The following SGCZ variants were observed in gnomAD, a reference collection of about 807,000 sequenced individuals.
The protein encoded by SGCZ is sarcoglycan zeta, also known as zeta-sarcoglycan.
A neutral mutation model predicts 41.3 loss-of-function variants in SGCZ; 40 were observed. The ratio of observed to expected loss-of-function variants is 0.97; its 90% confidence interval spans 0.75 to 1.26. The LOEUF is 1.26. Ranked by LOEUF, SGCZ falls within the 50% of genes most tolerant of loss-of-function variation. SGCZ has a pLI of 0.00. For missense variants in SGCZ, 552 were observed against 369.8 expected (o/e 1.49, Z -4.04); for synonymous variants, 206 against 137.5 (o/e 1.50, Z -3.49).
At chr8:14,260,898 G>A (rs1170202812) in intron 3 of SGCZ, among the ~76,000 whole-genome samples, 1 of 152,084 alleles carries the variant, frequency 6.6e-6, no homozygotes, top group Non-Finnish European at 1.5e-5. Context: ...ATTGAACAAT[G>A]AGATCACATG....
At position 15,069,655 on chromosome 8, in the gene SGCZ, G is replaced by A. The variant is rs180828272; in HGVS notation, c.39+167930C>T. 3.2e-4 allele frequency among the ~76,000 whole-genome samples: 48 copies of A among 152,186 alleles called. No individual in the cohort carries two copies. The East Asian group carries it at 4.8e-3, about 15-fold the overall frequency. Reference sequence around the variant, plus strand: ...AAGCACTATCTTACTTTTGCTTACCGCATATGACTTTATTCCAAACTTACA... The same window carrying A: ...AAGCACTATCTTACTTTTGCTTACCACATATGACTTTATTCCAAACTTACA... On this transcript the variant is annotated intron_variant, in intron 1 of 7. Transcript: ENST00000382080.
chr8:15,235,880 C>A (rs150555840), intron 1 of SGCZ, among the ~76,000 whole-genome samples: 1 of 152,324 alleles, frequency 6.6e-6, no homozygotes, highest in East Asian at 1.9e-4. Context: ...ATACATTCTT[C>A]TTCGCATCTC....
intron 1 of SGCZ, among the ~76,000 whole-genome samples, chr8:15,059,758 A>G (rs903861952): frequency 2.6e-5 from 4 of 152,240 alleles, no homozygotes; most frequent in African/African-American, 7.2e-5. Context: ...TAAACCAGTT[A>G]GCACGTTTTG....
At chr8:14,252,585 T>G (rs1381052967) in intron 3 of SGCZ, among the ~76,000 whole-genome samples, 1 of 152,122 alleles carries the variant, frequency 6.6e-6, no homozygotes, top group Non-Finnish European at 1.5e-5. Flanking sequence ...GAACCAGGAT[T>G]AAGGGTTAAG....
chr8:15,185,750 TATG>T (rs1190367784), intron 1 of SGCZ, among the ~76,000 whole-genome samples: 1 of 152,278 alleles, frequency 6.6e-6, no homozygotes, highest in African/African-American at 2.4e-5. Flanking sequence ...CAGAGTTATT[TATG>T]ATAAGATGAA....
At chr8:15,148,659 G>A (rs1429863675) in intron 1 of SGCZ, among the ~76,000 whole-genome samples, 1 of 152,180 alleles carries the variant, frequency 6.6e-6, no homozygotes, top group African/African-American at 2.4e-5. Flanking sequence ...TAATAGGTGT[G>A]AAGACAGAAG....
intron 3 of SGCZ, among the ~76,000 whole-genome samples, chr8:14,290,883 T>C (rs1800817091): frequency 6.6e-6 from 1 of 152,132 alleles, no homozygotes; most frequent in African/African-American, 2.4e-5. Flanking sequence ...AAGAGATATC[T>C]GCACTCCTAC....
chr8:14,625,578 TG>T (rs1475959169), intron 1 of SGCZ, among the ~76,000 whole-genome samples: 1 of 152,088 alleles, frequency 6.6e-6, no homozygotes, highest in East Asian at 1.9e-4. Flanking sequence ...AGTAGTGTTT[TG>T]TTGTTGTTGT....
intron 1 of SGCZ, among the ~76,000 whole-genome samples, chr8:14,736,969 C>A (rs1289455471): frequency 6.6e-6 from 1 of 151,274 alleles, no homozygotes; most frequent in Non-Finnish European, 1.5e-5. Flanking sequence ...ATTGTGGAAC[C>A]AAACCAAATC....
chr8:14,659,873 C>T (rs1563184965), intron 1 of SGCZ, among the ~76,000 whole-genome samples: 1 of 152,150 alleles, frequency 6.6e-6, no homozygotes, highest in South Asian at 2.1e-4. Context: ...GTACCTATTA[C>T]AGGTCACACT....
At chr8:14,169,510 A>C (rs1804310703) in intron 4 of SGCZ, among the ~76,000 whole-genome samples, 1 of 151,950 alleles carries the variant, frequency 6.6e-6, no homozygotes, top group Admixed American at 6.6e-5. Flanking sequence ...ACACACTTTC[A>C]TTTACTTTTC....
At chr8:14,765,506 G>A (rs372430386) in intron 1 of SGCZ, among the ~76,000 whole-genome samples, 12 of 152,112 alleles carry the variant, frequency 7.9e-5, no homozygotes, top group African/African-American at 2.4e-4. Flanking sequence ...CTCTCTATCC[G>A]TTCATATACA....
At chr8:14,216,550 A>T (rs564116012) in intron 4 of SGCZ, among the ~76,000 whole-genome samples, 1 of 152,320 alleles carries the variant, frequency 6.6e-6, no homozygotes, top group African/African-American at 2.4e-5. Context: ...CTAACATATC[A>T]AAAGAATCTT....
chr8:14,180,953 A>G (rs1273790401), intron 4 of SGCZ, among the ~76,000 whole-genome samples: 1 of 151,952 alleles, frequency 6.6e-6, no homozygotes, highest in Non-Finnish European at 1.5e-5. Context: ...GAAATCTAAG[A>G]GGCTTACAAT....
At chr8:14,653,239 G>A (rs1229568212) in intron 1 of SGCZ, among the ~76,000 whole-genome samples, 1 of 152,022 alleles carries the variant, frequency 6.6e-6, no homozygotes, top group Non-Finnish European at 1.5e-5. Context: ...GACATGACCT[G>A]TGTCAATTCT....
chr8:14,715,830 G>A (rs925615564), intron 1 of SGCZ, among the ~76,000 whole-genome samples: 1 of 151,996 alleles, frequency 6.6e-6, no homozygotes, highest in Non-Finnish European at 1.5e-5. Context: ...CAATTTAGAG[G>A]AGCTTACAAA....
At chr8:14,359,608 A>G (rs767018409) in intron 2 of SGCZ, among the ~76,000 whole-genome samples, 3 of 152,142 alleles carry the variant, frequency 2.0e-5, no homozygotes, top group Non-Finnish European at 4.4e-5. Flanking sequence ...ATAGGAATTA[A>G]ACAATACACT....
intron 1 of SGCZ, among the ~76,000 whole-genome samples, chr8:14,754,859 C>G (rs1799608738): frequency 6.6e-6 from 1 of 152,058 alleles, no homozygotes; most frequent in African/African-American, 2.4e-5. Context: ...GTAGCTGGGA[C>G]TATAGGTGTG....
At chr8:14,368,812 AC>A (rs1803809150) in intron 2 of SGCZ, among the ~76,000 whole-genome samples, 1 of 151,592 alleles carries the variant, frequency 6.6e-6, no homozygotes, top group African/African-American at 2.4e-5. Context: ...TGGCCAAAAA[AC>A]ATCTGGTATA....
Sources: allele counts gnomAD v4.1 joint callset (sites outside exome capture counted in the v4.1 genomes callset), GRCh38; gene constraint gnomAD v4.1.1; transcripts MANE v1.5; gene names NCBI Gene and HGNC (gene_info 2026-07-23, HGNC 2026-07-21).